The following CACNA2D3 variants were observed in gnomAD, a reference collection of about 807,000 sequenced individuals.
CACNA2D3 encodes voltage-dependent calcium channel subunit alpha-2/delta-3.
Under a neutral mutation model 160.6 loss-of-function variants are expected in CACNA2D3, and 60 were observed. The ratio of observed to expected loss-of-function variants is 0.37; its 90% CI spans 0.30 to 0.46. CACNA2D3 has a LOEUF of 0.46. Among genes scored for constraint, CACNA2D3 ranks in the 20% least tolerant of loss-of-function variants. The pLI, the probability that CACNA2D3 is intolerant of heterozygous loss-of-function variation, is 1.00. For missense variants in CACNA2D3, 1,205 were observed against 1,365.0 expected (o/e 0.88, Z 1.85); for synonymous variants, 558 against 492.9 (o/e 1.13, Z -1.75).
intron 19 of CACNA2D3, 103 bp downstream of exon 19, chr3:54,879,192 ATTTTTCTC>A: frequency 1.1e-6 from 1 of 889,912 alleles, no homozygotes; most frequent in Non-Finnish European, 1.7e-6. Flanking sequence ...CGCTGAGATC[ATTTTTCTC>A]TTGTCTTTAC....
chr3:54,562,537 A>G (rs1372074286), intron 5 of CACNA2D3, among the ~76,000 whole-genome samples: 1 of 152,172 alleles, frequency 6.6e-6, no homozygotes, highest in African/African-American at 2.4e-5. Flanking sequence ...GTGATATTGA[A>G]AGGTACAAAT....
chr3:54,442,053 C>T (rs937459587), intron 4 of CACNA2D3, among the ~76,000 whole-genome samples: 1 of 152,186 alleles, frequency 6.6e-6, no homozygotes, highest in Non-Finnish European at 1.5e-5. Context: ...AAGCAATCCT[C>T]CTGCCTCTGC....
intron 34 of CACNA2D3, among the ~76,000 whole-genome samples, chr3:55,012,318 G>A (rs747783758): frequency 1.3e-4 from 20 of 152,090 alleles, no homozygotes; most frequent in African/African-American, 1.9e-4. Flanking sequence ...TTTTTTAACC[G>A]AAATGTCTGG....
At chr3:54,686,663 A>C (rs1700454428) in intron 11 of CACNA2D3, among the ~76,000 whole-genome samples, 1 of 152,236 alleles carries the variant, frequency 6.6e-6, no homozygotes, top group Admixed American at 6.5e-5. Flanking sequence ...TTCCAATGAA[A>C]GCACAGCTTA....
intron 11 of CACNA2D3, among the ~76,000 whole-genome samples, chr3:54,649,126 CA>C (rs1177571559): frequency 1.3e-5 from 2 of 152,174 alleles, no homozygotes; most frequent in Non-Finnish European, 2.9e-5. Flanking sequence ...CTTCTCTTAC[CA>C]AAATGTTTAG....
chr3:54,925,851 C>T lies in CACNA2D3; in HGVS notation c.2449+25983C>T, dbSNP rs145008651. Among the ~76,000 whole-genome samples the T allele has an allele frequency of 6.2e-3, 943 of 152,262 alleles. 13 individuals carry two copies. Among genetic ancestry groups the T allele is most frequent in the African/African-American group, 0.022 (895 of 41,554 alleles). On this transcript the variant is annotated intron_variant, in intron 27 of 37. Transcript: ENST00000474759. ...TGTATTGGATAGGGCAGATCTAAAG[C>T]GCTGCTACGTATTGATATCCATTTT...
At chr3:54,260,864 C>G (rs1021002653) in intron 2 of CACNA2D3, among the ~76,000 whole-genome samples, 5 of 152,166 alleles carry the variant, frequency 3.3e-5, no homozygotes, top group African/African-American at 1.2e-4. Context: ...ATTAGAGGAG[C>G]TTGCCATAAC....
intron 3 of CACNA2D3, among the ~76,000 whole-genome samples, chr3:54,346,018 G>T (rs1698452343): frequency 6.7e-6 from 1 of 148,706 alleles, no homozygotes; most frequent in South Asian, 2.2e-4. Context: ...GTGGACCTTT[G>T]GTGGAGGCTG....
At chr3:54,282,994 A>AG (rs1702917362) in intron 2 of CACNA2D3, among the ~76,000 whole-genome samples, 1 of 152,182 alleles carries the variant, frequency 6.6e-6, no homozygotes, top group South Asian at 2.1e-4. Flanking sequence ...TTTATTCTTG[A>AG]GGGTACATTT....
intron 11 of CACNA2D3, among the ~76,000 whole-genome samples, chr3:54,684,235 C>T (rs899615302): frequency 6.6e-6 from 1 of 152,092 alleles, no homozygotes; most frequent in Admixed American, 6.6e-5. Flanking sequence ...GCTGGGATTA[C>T]AGCTGTAAGC....
chr3:55,019,871 A>G (rs1274054633), intron 35 of CACNA2D3, among the ~76,000 whole-genome samples: 1 of 152,192 alleles, frequency 6.6e-6, no homozygotes, highest in Non-Finnish European at 1.5e-5. Context: ...TTGCTAAAGG[A>G]CTTTTTTATT....
intron 8 of CACNA2D3, among the ~76,000 whole-genome samples, chr3:54,580,776 A>G (rs1197541907): frequency 6.6e-6 from 1 of 152,264 alleles, no homozygotes; most frequent in East Asian, 1.9e-4. Flanking sequence ...GACCTAACCC[A>G]GTGCCTAGCC....
intron 34 of CACNA2D3, among the ~76,000 whole-genome samples, chr3:55,013,975 A>G (rs1226296986): frequency 6.6e-6 from 1 of 152,192 alleles, no homozygotes; most frequent in Non-Finnish European, 1.5e-5. Context: ...GTGATAGGTC[A>G]TGGTGACATC....
rs374206823 is a variant in CACNA2D3 at position 54,891,326 on chromosome 3, T to C, written c.2151-29T>C. The C allele has an allele frequency of 2.2e-5, 33 of 1,525,456 alleles. No individual in the cohort carries two copies. In the African/African-American group the frequency reaches 3.7e-4, roughly 17 times the overall value. 94.5% of individuals were successfully genotyped at this position (1,525,456 alleles called of 1,614,324 possible). ...ATTATCTGCTTACTGTCTAGAGGCC[T>C]CCCCCTGACGTCTGTTGTTCTGTTT... On this transcript the variant is annotated intron_variant, in intron 24 of 37. Transcript: ENST00000474759.
chr3:54,645,070 G>A (rs1301596025), intron 11 of CACNA2D3, among the ~76,000 whole-genome samples: 2 of 152,182 alleles, frequency 1.3e-5, no homozygotes, highest in South Asian at 2.1e-4. Context: ...GCCTGAGAGT[G>A]GGTAATTTAT....
intron 14 of CACNA2D3, among the ~76,000 whole-genome samples, chr3:54,829,950 A>G (rs188633845): frequency 1.7e-5 from 2 of 119,144 alleles, no homozygotes; most frequent in Admixed American, 1.2e-4. Flanking sequence ...GCTGGAGTGC[A>G]GTGGCAAGAT....
At chr3:54,963,569 A>G (rs1702080431) in intron 27 of CACNA2D3, among the ~76,000 whole-genome samples, 1 of 152,240 alleles carries the variant, frequency 6.6e-6, no homozygotes, top group Admixed American at 6.5e-5. Context: ...ACTAATTTGG[A>G]CAGCACAGGA....
intron 27 of CACNA2D3, among the ~76,000 whole-genome samples, chr3:54,944,345 A>C (rs1041743075): frequency 2.0e-5 from 3 of 151,730 alleles, no homozygotes; most frequent in Non-Finnish European, 4.4e-5. Context: ...ATATCTTTCT[A>C]CTTTTAAATT....
At chr3:54,634,073 G>C (rs1240272493) in intron 10 of CACNA2D3, among the ~76,000 whole-genome samples, 1 of 152,128 alleles carries the variant, frequency 6.6e-6, no homozygotes, top group Non-Finnish European at 1.5e-5. Context: ...TGCAACTTCA[G>C]ACTCCACATC....
Sources: gnomAD v4.1 joint callset for allele counts (sites outside exome capture counted in the v4.1 genomes callset) on GRCh38, gnomAD v4.1.1 for gene constraint, MANE v1.5 for transcripts, NCBI Gene and HGNC (gene_info 2026-07-23, HGNC 2026-07-21) for gene names.